The following IL34 variants were observed in gnomAD, a reference collection of about 807,000 sequenced individuals.
IL34 encodes the protein interleukin 34, also known as interleukin-34.
IL34 carries 17 observed loss-of-function variants against 25.3 expected under a neutral mutation model. That is an observed-to-expected ratio of 0.67 (90% confidence interval 0.46 to 1.01). IL34 has a LOEUF of 1.01. IL34 is among the 50% of genes least tolerant of loss of function. The pLI is 0.00. For missense variants in IL34, 368 were observed against 312.9 expected, an observed-to-expected ratio of 1.18 and a Z score of -1.33; for synonymous variants, 174 against 140.9, an observed-to-expected ratio of 1.23 and a Z score of -1.66.
At chr16:70,597,402 G>A (rs1419861056) in intron 1 of IL34, among the ~76,000 whole-genome samples, 6 of 151,728 alleles carry the variant, frequency 4.0e-5, no homozygotes, top group Non-Finnish European at 5.9e-5. Flanking sequence ...TAATTTTTTC[G>A]TAGAGATGGG....
intron 1 of IL34, among the ~76,000 whole-genome samples, chr16:70,615,188 T>TTA (rs1385399785): frequency 6.6e-6 from 1 of 152,182 alleles, no homozygotes; most frequent in Non-Finnish European, 1.5e-5. Flanking sequence ...AATTCTAGAC[T>TTA]TATTTGGGTT....
At chr16:70,659,776 C>T (rs372975613) in intron 5 of IL34, 23 bp downstream of exon 5, 120 of 1,578,880 alleles carry the variant, frequency 7.6e-5, no homozygotes, top group African/African-American at 5.9e-4. Flanking sequence ...CAGGGGATGG[C>T]GCCTGGGGGT....
chr16:70,659,644 A>G lies in IL34; in HGVS notation c.429A>G (p.Glu143=). ...LTDVEVSPKV[E]SVLSLLNAPG... ...ATGTGGAGGTCAGCCCCAAGGTGGA[A>G]TCCGTGTTGTCCCTCTTGAATGCCC... Residue 143 remains glutamate (E), a synonymous_variant, in exon 5 of 6, where the codon GAA becomes GAG. Transcript: ENST00000288098. 1 of 1,611,814 alleles carries G rather than the reference A, an allele frequency of 6.2e-7. No individual in the cohort carries two copies. The highest frequency in any genetic ancestry group is 1.1e-5 in the South Asian group (1 of 90,966).
At chr16:70,583,786 G>T (rs979445411) in intron 1 of IL34, among the ~76,000 whole-genome samples, 2 of 152,038 alleles carry the variant, frequency 1.3e-5, no homozygotes, top group Admixed American at 6.6e-5. Context: ...CCAGTAGCTG[G>T]AATTACAGGT....
At chr16:70,581,543 C>T (rs2050636214) in intron 1 of IL34, among the ~76,000 whole-genome samples, 1 of 152,028 alleles carries the variant, frequency 6.6e-6, no homozygotes, top group East Asian at 1.9e-4. Context: ...GGTCAGCTCA[C>T]TCATGAGAAT....
Position 70,656,625 on chromosome 16 carries a change from C to G in IL34, c.186C>G (p.Tyr62Ter). The change falls in exon 3 of 6, where the codon TAC (tyrosine) becomes TAG (stop). Residue 62 changes from tyrosine (Y) to a stop codon, truncating the protein, a stop_gained. Transcript: ENST00000288098. LOFTEE classifies it high-confidence loss of function. ...AGAAACACTACTTCCCCATCAACTACAAGATCAGTGTGCCTTACGAGGGGG... is the reference window on the plus strand; with the variant it reads ...AGAAACACTACTTCCCCATCAACTAGAAGATCAGTGTGCCTTACGAGGGGG... The part of the protein sequence containing the change: ...QYMKHYFPIN[Y>*]KISVPYEGVF... The G allele has an allele frequency of 7.0e-7, 1 of 1,430,938 alleles. No individual in the cohort carries two copies. The highest frequency in any genetic ancestry group is 9.9e-7 in the Non-Finnish European group (1 of 1,012,678). 88.6% of individuals were successfully genotyped at this position (1,430,938 alleles called of 1,614,324 possible). A position where few individuals can be genotyped will look rare whatever the true frequency, so the allele number is the denominator to read the frequency against.
intron 1 of IL34, among the ~76,000 whole-genome samples, chr16:70,637,370 T>G (rs1368996348): frequency 6.8e-6 from 1 of 146,802 alleles, no homozygotes; most frequent in Admixed American, 6.8e-5. Context: ...TTATTATTTA[T>G]TTTTTGAGAT....
At chr16:70,655,578 G>C (rs1412975725) in intron 2 of IL34, among the ~76,000 whole-genome samples, 1 of 151,852 alleles carries the variant, frequency 6.6e-6, no homozygotes, top group East Asian at 1.9e-4. Flanking sequence ...TTTGAGTAGA[G>C]ACAGGGGTTC....
chr16:70,642,485 A>T (rs2051809676), upstream of IL34, among the ~76,000 whole-genome samples: 1 of 151,892 alleles, frequency 6.6e-6, no homozygotes, highest in Admixed American at 6.6e-5. Context: ...TTTAGTGGAG[A>T]CGGTGTTTCA....
chr16:70,585,700 A>G (rs1232402808), intron 1 of IL34, among the ~76,000 whole-genome samples: 1 of 149,350 alleles, frequency 6.7e-6, no homozygotes, highest in Non-Finnish European at 1.5e-5. Context: ...AAAAAAAAAA[A>G]ATTTTTTTTT....
intron 1 of IL34, among the ~76,000 whole-genome samples, chr16:70,611,022 G>A (rs979689816): frequency 2.6e-5 from 4 of 152,120 alleles, no homozygotes; most frequent in East Asian, 1.9e-4. Context: ...GGCCCAGGCC[G>A]GAGCACAGTG....
intron 2 of IL34, among the ~76,000 whole-genome samples, chr16:70,656,067 A>G (rs1447324323): frequency 6.6e-6 from 1 of 151,958 alleles, no homozygotes; most frequent in Non-Finnish European, 1.5e-5. Context: ...ACGTGTCCTC[A>G]CTCTTGAGCC....
intron 1 of IL34, among the ~76,000 whole-genome samples, chr16:70,595,167 G>A (rs940141599): frequency 2.6e-5 from 4 of 151,944 alleles, no homozygotes; most frequent in African/African-American, 9.7e-5. Context: ...TGCCATGTTG[G>A]CCAGGCTGGT....
chr16:70,615,955 T>TA (rs2051166556), intron 1 of IL34, among the ~76,000 whole-genome samples: 1 of 152,040 alleles, frequency 6.6e-6, no homozygotes, highest in South Asian at 2.1e-4. Flanking sequence ...CCTGTCTCAA[T>TA]AAAAAAATCC....
chr16:70,588,091 T>C (rs2050714981), intron 1 of IL34, among the ~76,000 whole-genome samples: 2 of 152,122 alleles, frequency 1.3e-5, no homozygotes, highest in Admixed American at 1.3e-4. Context: ...AACTGGCACC[T>C]TGAGCACAGT....
chr16:70,621,393 G>A (rs531972049), intron 1 of IL34, among the ~76,000 whole-genome samples: 1 of 152,274 alleles, frequency 6.6e-6, no homozygotes, highest in Non-Finnish European at 1.5e-5. Context: ...GGGAGAGATT[G>A]AAGAGTGGAA....
intron 1 of IL34, among the ~76,000 whole-genome samples, chr16:70,594,911 T>A (rs1427327762): frequency 5.9e-5 from 9 of 151,716 alleles, no homozygotes; most frequent in Non-Finnish European, 1.3e-4. Context: ...ACCCTCATAT[T>A]TCCAGGTGGC....
At chr16:70,659,869 C>T in intron 5 of IL34, 116 bp downstream of exon 5, 2 of 1,486,918 alleles carry the variant, frequency 1.3e-6, no homozygotes, top group South Asian at 1.3e-5. Flanking sequence ...CCCGGGGCTA[C>T]AAGCCATTTC....
At position 70,606,230 on chromosome 16, in the gene IL34, C is replaced by T. The variant is rs547996112; in HGVS notation, c.-401+26181C>T. Among the ~76,000 whole-genome samples, 52 of 151,936 alleles carry T rather than the reference C, an allele frequency of 3.4e-4. 1 individual carries two copies. The highest frequency in any genetic ancestry group is 1.2e-3 in the African/African-American group (51 of 41,448). On this transcript the variant is annotated intron_variant, in intron 1 of 6. Coordinates refer to the IL34 transcript ENST00000429149. ...TGGGCAACATGGCGAAACCCCGTCT[C>T]TACTAAAAATACAAAAAATTAGCCA...
Sources: allele counts gnomAD v4.1 joint callset (sites outside exome capture counted in the v4.1 genomes callset), GRCh38; gene constraint gnomAD v4.1.1; transcripts MANE v1.5; gene names NCBI Gene and HGNC (gene_info 2026-07-23, HGNC 2026-07-21).